TMEM272: variants seen among roughly 807,000 people sequenced by gnomAD.
TMEM272 encodes long intergenic non-protein coding RNA 282.
In TMEM272, 8 loss-of-function variants were observed where a neutral mutation model predicts 3.7. The observed-to-expected ratio is 2.17, with a 90% CI of 1.27 to 3.91. TMEM272 has a LOEUF of 3.91. Ranked by LOEUF, TMEM272 falls within the 30% of genes most tolerant of loss-of-function variation. The probability of loss-of-function intolerance (pLI) is 0.00; values close to 1 mark genes in which losing one functional copy is unlikely to be tolerated. For synonymous variants in TMEM272, 63 were observed against 39.8 expected, an observed-to-expected ratio of 1.58 and a Z score of -2.20; for missense variants, 166 against 91.5, an observed-to-expected ratio of 1.81 and a Z score of -3.32.
upstream of TMEM272, among the ~76,000 whole-genome samples, chr13:51,846,516 T>G (rs547364492): frequency 1.2e-4 from 1 of 8,142 alleles, no homozygotes; most frequent in African/African-American, 5.8e-4. Context: ...AAGTCACTGC[T>G]TTATGTATTT....
At chr13:51,879,252 T>C in the TMEM272 span, among the ~76,000 whole-genome samples, 4 of 152,212 alleles carry the variant, frequency 2.6e-5, no homozygotes, top group South Asian at 8.3e-4. Context: ...CTGTGCTCTT[T>C]ACAGCATGCC....
chr13:51,872,262 T>C, the TMEM272 span, among the ~76,000 whole-genome samples: 3 of 151,976 alleles, frequency 2.0e-5, no homozygotes, highest in Non-Finnish European at 4.4e-5. Flanking sequence ...GCTAGGAATA[T>C]TCAGAAAACC....
At chr13:51,878,158 C>T in the TMEM272 span, among the ~76,000 whole-genome samples, 1 of 152,192 alleles carries the variant, frequency 6.6e-6, no homozygotes, top group Admixed American at 6.5e-5. Context: ...CAGCTGGGCA[C>T]GGTGGCTCAC....
the TMEM272 span, chr13:51,932,610 A>G: frequency 6.6e-6 from 1 of 152,206 alleles, no homozygotes; most frequent in Admixed American, 6.5e-5. Context: ...GCCTCACAGA[A>G]GCCCTCGTGA....
intron 2 of TMEM272, among the ~76,000 whole-genome samples, chr13:51,835,210 A>G: frequency 6.8e-6 from 1 of 146,050 alleles, no homozygotes; most frequent in Non-Finnish European, 1.5e-5. Flanking sequence ...AAATAAAAAT[A>G]AAACTTTTAT....
the TMEM272 span, among the ~76,000 whole-genome samples, chr13:51,850,220 G>A: frequency 6.6e-5 from 10 of 152,224 alleles, no homozygotes; most frequent in African/African-American, 1.2e-4. Flanking sequence ...ACAATTTTAC[G>A]TTGTTTCTCT....
chr13:51,817,869 G>A (rs1051254877), intron 4 of TMEM272, among the ~76,000 whole-genome samples: 1 of 152,186 alleles, frequency 6.6e-6, no homozygotes, highest in African/African-American at 2.4e-5. Flanking sequence ...AAATTCTGCT[G>A]CCACTTGGTT....
chr13:51,859,434 C>T, the TMEM272 span, among the ~76,000 whole-genome samples: 3 of 150,950 alleles, frequency 2.0e-5, no homozygotes, highest in African/African-American at 7.3e-5. Context: ...GAAGCGAAGG[C>T]TAGGCAGAAT....
At chr13:51,900,934 A>T in the TMEM272 span, among the ~76,000 whole-genome samples, 3 of 152,342 alleles carry the variant, frequency 2.0e-5, no homozygotes, top group Middle Eastern at 3.4e-3. Flanking sequence ...AGAGACAAAA[A>T]GTAGATACAA....
the TMEM272 span, among the ~76,000 whole-genome samples, chr13:51,877,546 A>G: frequency 6.6e-6 from 1 of 152,238 alleles, no homozygotes; most frequent in African/African-American, 2.4e-5. Flanking sequence ...TATTTGTCCC[A>G]ATTTTGGATT....
chr13:51,883,632 G>A, the TMEM272 span, among the ~76,000 whole-genome samples: 1 of 152,308 alleles, frequency 6.6e-6, no homozygotes. Flanking sequence ...GAGACAGAGA[G>A]GGTAAGACAG....
At chr13:51,910,374 G>A in the TMEM272 span, 1 of 1,096,638 alleles carries the variant, frequency 9.1e-7, no homozygotes, top group Non-Finnish European at 1.4e-6. Context: ...AATTAGTCCA[G>A]AAAGCGCTAT....
the TMEM272 span, among the ~76,000 whole-genome samples, chr13:51,863,664 C>T: frequency 2.4e-4 from 27 of 113,226 alleles, no homozygotes; most frequent in Non-Finnish European, 3.6e-4. Flanking sequence ...CATATGCACG[C>T]GCACACAGAC....
At chr13:51,863,672 G>GACACAC in the TMEM272 span, among the ~76,000 whole-genome samples, 5,656 of 134,312 alleles carry the variant, frequency 0.042, 300 homozygotes, top group African/African-American at 0.12. Context: ...CGCGCACACA[G>GACACAC]ACACACACAC....
At chr13:51,929,129 G>A in the TMEM272 span, among the ~76,000 whole-genome samples, 6 of 152,108 alleles carry the variant, frequency 3.9e-5, no homozygotes, top group Admixed American at 1.3e-4. Context: ...CCTGGGAGGC[G>A]GAGGTTGCAG....
chr13:51,918,957 G>C, the TMEM272 span, among the ~76,000 whole-genome samples: 1 of 151,818 alleles, frequency 6.6e-6, no homozygotes, highest in Admixed American at 6.6e-5. Flanking sequence ...CCCATAATTA[G>C]AAATTATTTT....
At chr13:51,898,675 C>G in the TMEM272 span, among the ~76,000 whole-genome samples, 2 of 150,846 alleles carry the variant, frequency 1.3e-5, no homozygotes, top group Non-Finnish European at 2.9e-5. Context: ...CACAGCCTAT[C>G]CTGGCTGCAC....
At chr13:51,931,781 T>A in the TMEM272 span, among the ~76,000 whole-genome samples, 1 of 152,082 alleles carries the variant, frequency 6.6e-6, no homozygotes, top group Non-Finnish European at 1.5e-5. Context: ...CAAGCACGCA[T>A]GGCATGAAGT....
chr13:51,921,124 G>C, the TMEM272 span: 1 of 152,262 alleles, frequency 6.6e-6, no homozygotes, highest in Non-Finnish European at 1.5e-5. Flanking sequence ...ACATTGATCT[G>C]AGAATGGAGA....
Sources: gnomAD v4.1 joint callset for allele counts (sites outside exome capture counted in the v4.1 genomes callset) on GRCh38, gnomAD v4.1.1 for gene constraint, MANE v1.5 for transcripts, NCBI Gene and HGNC (gene_info 2026-07-23, HGNC 2026-07-21) for gene names.